The following ANO10 variants were observed in gnomAD, a reference collection of about 807,000 sequenced individuals.
The protein encoded by ANO10 is anoctamin 10.
In ANO10, 77 loss-of-function variants were observed where a neutral mutation model predicts 74.7. That is an observed-to-expected ratio of 1.03 (90% CI 0.86 to 1.25). ANO10 has a LOEUF of 1.25. ANO10 is among the 50% of genes most tolerant of loss of function. ANO10 has a pLI of 0.00. For synonymous variants in ANO10, 279 were observed against 284.9 expected (o/e 0.98, Z 0.21); for missense variants, 721 against 778.1 (o/e 0.93, Z 0.87).
intron 1 of ANO10, among the ~76,000 whole-genome samples, chr3:43,665,852 G>T (rs1027641869): frequency 6.6e-6 from 1 of 152,136 alleles, no homozygotes; most frequent in Non-Finnish European, 1.5e-5. Flanking sequence ...ACTGATGGTT[G>T]TATGAAATGT....
chr3:43,530,172 C>G (rs1013993223), intron 11 of ANO10, among the ~76,000 whole-genome samples: 1 of 151,970 alleles, frequency 6.6e-6, no homozygotes, highest in African/African-American at 2.4e-5. Context: ...TTTATAACCT[C>G]AAAGATCACA....
chr3:43,661,758 G>T (rs1302591979), intron 1 of ANO10, among the ~76,000 whole-genome samples: 1 of 151,974 alleles, frequency 6.6e-6, no homozygotes, highest in Non-Finnish European at 1.5e-5. Flanking sequence ...TTGCAATTCT[G>T]GTCTCTGATA....
At chr3:43,380,441 AG>A (rs2091928040) in intron 12 of ANO10, among the ~76,000 whole-genome samples, 1 of 152,212 alleles carries the variant, frequency 6.6e-6, no homozygotes, top group Non-Finnish European at 1.5e-5. Flanking sequence ...CAAATACATC[AG>A]GTAACCTACA....
chr3:43,519,916 A>G (rs1362875078), intron 11 of ANO10, among the ~76,000 whole-genome samples: 2 of 152,012 alleles, frequency 1.3e-5, no homozygotes, highest in Non-Finnish European at 2.9e-5. Flanking sequence ...AATGAGGGAG[A>G]GCTAATACAG....
chr3:43,658,401 G>A (rs964858831), intron 1 of ANO10, among the ~76,000 whole-genome samples: 3 of 152,038 alleles, frequency 2.0e-5, no homozygotes, highest in African/African-American at 4.8e-5. Context: ...CATCTACAAG[G>A]AACTGCAATC....
chr3:43,368,686 CT>C (rs780354509), intron 12 of ANO10, among the ~76,000 whole-genome samples: 631 of 140,580 alleles, frequency 4.5e-3, no homozygotes, highest in African/African-American at 6.8e-3. Context: ...TTTAAAATGT[CT>C]TTTTTTTTTT....
At chr3:43,559,079 C>T (rs974618626) in intron 9 of ANO10, among the ~76,000 whole-genome samples, 5 of 152,154 alleles carry the variant, frequency 3.3e-5, no homozygotes, top group Non-Finnish European at 7.3e-5. Context: ...ATTTAGTCAC[C>T]AAATAATTAA....
chr3:43,368,188 C>T (rs1029707725), intron 12 of ANO10, among the ~76,000 whole-genome samples: 4 of 152,198 alleles, frequency 2.6e-5, no homozygotes, highest in Admixed American at 2.6e-4. Flanking sequence ...GGGGAGGGGA[C>T]TGGCTGGCCC....
At chr3:43,653,059 A>C (rs1422190475) in intron 1 of ANO10, 1 of 151,942 alleles carries the variant, frequency 6.6e-6, no homozygotes, top group African/African-American at 2.4e-5. Flanking sequence ...ACAAAAAAAA[A>C]AATTAGCTGA....
At chr3:43,450,744 T>C (rs1279245067) in intron 11 of ANO10, among the ~76,000 whole-genome samples, 1 of 152,198 alleles carries the variant, frequency 6.6e-6, no homozygotes, top group Non-Finnish European at 1.5e-5. Flanking sequence ...AAAGGTACCC[T>C]GCACTCTGGA....
intron 4 of ANO10, among the ~76,000 whole-genome samples, chr3:43,592,946 A>G (rs1349559287): frequency 6.6e-6 from 1 of 152,260 alleles, no homozygotes; most frequent in Non-Finnish European, 1.5e-5. Context: ...CCATGGCACA[A>G]GAATTACGTG....
At position 43,600,478 on chromosome 3, in the gene ANO10, T is replaced by C. The variant is rs1286559763; in HGVS notation, c.243A>G (p.Leu81=). The change falls in exon 3 of 13, where the codon CTA becomes CTG. Residue 81 remains leucine, a synonymous_variant. Coordinates refer to ENST00000292246, the MANE Select transcript of ANO10 (RefSeq NM_018075.5). ...LVGASKIRML[L]GAEAVGLVKE... ...TTACCAATCCCACTGCTTCTGCCCC[T>C]AGTAACATTCTAATCTTGGAGGCAC... is the stretch of plus-strand genomic sequence containing the variant. 3.1e-6 allele frequency: 5 copies of C among 1,614,062 alleles called. No homozygotes were observed. The highest frequency in any genetic ancestry group is 4.2e-6 in the Non-Finnish European group (5 of 1,180,030).
At chr3:43,428,626 TTC>T (rs2092933203) in intron 12 of ANO10, among the ~76,000 whole-genome samples, 3 of 152,010 alleles carry the variant, frequency 2.0e-5, no homozygotes, top group Non-Finnish European at 4.4e-5. Flanking sequence ...GAATCACCTT[TTC>T]TTACAAGGTG....
chr3:43,536,538 C>T (rs936035964), intron 11 of ANO10, among the ~76,000 whole-genome samples: 2 of 152,104 alleles, frequency 1.3e-5, no homozygotes, highest in Non-Finnish European at 2.9e-5. Flanking sequence ...GATGCCTCAC[C>T]TCATTAATTT....
At chr3:43,431,802 G>A (rs1268054040) in intron 12 of ANO10, among the ~76,000 whole-genome samples, 4 of 152,138 alleles carry the variant, frequency 2.6e-5, no homozygotes. Context: ...TACCCTTGGA[G>A]CCCTCAGGCT....
At chr3:43,381,120 A>T (rs78363264) in intron 12 of ANO10, among the ~76,000 whole-genome samples, 14,486 of 152,194 alleles carry the variant, frequency 0.095, 927 homozygotes, top group Non-Finnish European at 0.14. Context: ...CGCCCCCATG[A>T]TTAAAACAGC....
intron 8 of ANO10, among the ~76,000 whole-genome samples, chr3:43,562,469 A>AAAAAAAAAAAG (rs2080092413): frequency 1.4e-5 from 2 of 147,776 alleles, no homozygotes; most frequent in East Asian, 2.0e-4. Context: ...AAAAAAAAAA[A>AAAAAAAAAAAG]AAGAAGTTTG....
intron 11 of ANO10, among the ~76,000 whole-genome samples, chr3:43,445,418 CTTG>C (rs67640609): frequency 0.45 from 67,898 of 151,408 alleles, 17,982 homozygotes; most frequent in East Asian, 0.77. Flanking sequence ...TCAGTTCTAG[CTTG>C]TTAACTTTTC....
rs1337821551 is a variant in ANO10 at position 43,633,768 on chromosome 3, T to A, written c.-11-27905A>T. ...CTGGGTCAGAGACAAAGGACATTAT[T>A]ACTCGTTGTGTAGCAGTCAGCATGG... On this transcript the variant is annotated intron_variant, in intron 1 of 3. Coordinates refer to the ANO10 transcript ENST00000413397. Among the ~76,000 whole-genome samples the A allele has an allele frequency of 2.0e-5, 3 of 152,150 alleles. No individual in the cohort carries two copies. The East Asian group carries it at 5.8e-4, about 29-fold the overall frequency.
Sources: allele counts gnomAD v4.1 joint callset (sites outside exome capture counted in the v4.1 genomes callset), GRCh38; gene constraint gnomAD v4.1.1; transcripts MANE v1.5; gene names NCBI Gene and HGNC (gene_info 2026-07-23, HGNC 2026-07-21).